Variants in AK8 observed in about 807,000 individuals in gnomAD.
The protein encoded by AK8 is adenylate kinase 8, also known as ATP-AMP transphosphorylase 8.
AK8 carries 44 observed loss-of-function variants against 54.6 expected under a neutral mutation model. The observed-to-expected ratio is 0.81, with a 90% CI of 0.63 to 1.04. The LOEUF is 1.04. AK8 is among the 50% of genes least tolerant of loss of function. AK8 has a pLI of 0.00. For missense variants in AK8, 555 were observed against 613.6 expected, an observed-to-expected ratio of 0.90 and a Z score of 1.01; for synonymous variants, 239 against 245.6, an observed-to-expected ratio of 0.97 and a Z score of 0.25.
chr9:132,799,596 A>AAC lies in AK8; in HGVS notation c.980-6823_980-6822dup, dbSNP rs141099716. The stretch of plus-strand genomic sequence containing the variant: ...ACATGTGCTCATGCACTCAGCTACA[A>AAC]ACACACACACACACACACCACACAC... On this transcript the variant is annotated intron_variant, in intron 10 of 12. Coordinates refer to ENST00000298545, the MANE Select transcript of AK8 (RefSeq NM_152572.3). The surrounding 1 kb of genome is among the most constrained non-coding windows in gnomAD (Gnocchi z 5.0). Among the ~76,000 whole-genome samples, 158 of 149,982 alleles carry AAC rather than the reference A, an allele frequency of 1.1e-3. 1 individual carries two copies. The highest frequency in any genetic ancestry group is 6.9e-3 in the Middle Eastern group (2 of 288).
intron 11 of AK8, among the ~76,000 whole-genome samples, chr9:132,782,618 G>A (rs1839524742): frequency 6.6e-6 from 1 of 152,186 alleles, no homozygotes; most frequent in African/African-American, 2.4e-5. Flanking sequence ...GAATCCGGAA[G>A]GCGGAGGTTG....
intron 9 of AK8, among the ~76,000 whole-genome samples, chr9:132,818,792 G>A (rs1192521642): frequency 6.6e-6 from 1 of 151,616 alleles, no homozygotes; most frequent in Non-Finnish European, 1.5e-5. Flanking sequence ...AGGGTGCAAC[G>A]AGCTATGATT....
chr9:132,745,701 C>G (rs569820226), intron 11 of AK8, among the ~76,000 whole-genome samples: 1 of 152,184 alleles, frequency 6.6e-6, no homozygotes, highest in South Asian at 2.1e-4. Context: ...TTGTTCACAC[C>G]CTGTGTGCCC....
chr9:132,870,154 G>A (rs1384985027), intron 2 of AK8, among the ~76,000 whole-genome samples: 1 of 152,186 alleles, frequency 6.6e-6, no homozygotes, highest in Non-Finnish European at 1.5e-5. Context: ...CCCCTTCCAG[G>A]TTCCTGTAAG....
chr9:132,788,024 A>T (rs1004099834), intron 11 of AK8, among the ~76,000 whole-genome samples: 2 of 151,794 alleles, frequency 1.3e-5, no homozygotes, highest in African/African-American at 4.8e-5. Context: ...GAGGAATGGG[A>T]GTGACCAAAA....
At chr9:132,761,727 CCT>C (rs1838481101) in intron 11 of AK8, among the ~76,000 whole-genome samples, 1 of 151,918 alleles carries the variant, frequency 6.6e-6, no homozygotes. Context: ...TGTGTTTCAT[CCT>C]CTTTTTCATT....
At chr9:132,777,464 G>A (rs1382308755) in intron 11 of AK8, among the ~76,000 whole-genome samples, 1 of 152,170 alleles carries the variant, frequency 6.6e-6, no homozygotes, top group Non-Finnish European at 1.5e-5. Flanking sequence ...CCTTGCCCCT[G>A]CTGCCTCCCT....
chr9:132,758,741 G>A (rs1484964332), intron 11 of AK8, among the ~76,000 whole-genome samples: 1 of 151,986 alleles, frequency 6.6e-6, no homozygotes, highest in Non-Finnish European at 1.5e-5. Flanking sequence ...TTACAGGCAT[G>A]AGCCACCGCA....
chr9:132,837,663 T>C lies in AK8; in HGVS notation c.403-8937A>G, dbSNP rs1363078197. Among the ~76,000 whole-genome samples, 1 of 152,234 alleles carries C rather than the reference T, an allele frequency of 6.6e-6. No homozygotes were observed. Among genetic ancestry groups the C allele is most frequent in the Admixed American group, 6.5e-5 (1 of 15,286 alleles). ...CAGAGCATATCGGAACACGCGTTCC[T>C]GTCCACATGGAGTGCTACGGCTCTG... is the stretch of plus-strand genomic sequence containing the variant. On this transcript the variant is annotated intron_variant, in intron 5 of 12. Transcript: ENST00000298545. The surrounding 1 kb of genome is among the most constrained non-coding windows in gnomAD (Gnocchi z 4.3).
At chr9:132,753,914 T>C (rs534251523) in intron 11 of AK8, among the ~76,000 whole-genome samples, 1 of 152,320 alleles carries the variant, frequency 6.6e-6, no homozygotes, top group East Asian at 1.9e-4. Context: ...ATTGCCTCCA[T>C]TTTATGATGC....
chr9:132,786,887 T>C (rs965466238), intron 11 of AK8, among the ~76,000 whole-genome samples: 1 of 152,070 alleles, frequency 6.6e-6, no homozygotes, highest in Admixed American at 6.5e-5. Flanking sequence ...AATATGTCAT[T>C]AACATTTTCA....
At chr9:132,857,120 T>A (rs1751600125) in intron 4 of AK8, among the ~76,000 whole-genome samples, 1 of 152,148 alleles carries the variant, frequency 6.6e-6, no homozygotes, top group Admixed American at 6.5e-5. Flanking sequence ...GATAGCCCTG[T>A]ATCCTTATCC....
intron 10 of AK8, among the ~76,000 whole-genome samples, chr9:132,795,042 T>C (rs1588138687): frequency 2.0e-5 from 3 of 152,180 alleles, no homozygotes; most frequent in South Asian, 2.1e-4. Context: ...CGGTTGCCTG[T>C]GGTCAGGGCG....
chr9:132,792,624 G>C lies in AK8; in HGVS notation c.1121+10C>G. 1 of 1,550,094 alleles carries C rather than the reference G, an allele frequency of 6.5e-7. No homozygotes were observed. The highest frequency in any genetic ancestry group is 8.7e-7 in the Non-Finnish European group (1 of 1,146,942). ...TGGCCAGGGCTGCTGGCTTGGCTGGGGCAGCTCACCTGTTGGGATTGTAGC... is the reference window on the plus strand; with the variant it reads ...TGGCCAGGGCTGCTGGCTTGGCTGGCGCAGCTCACCTGTTGGGATTGTAGC... On this transcript the variant is annotated intron_variant, in intron 11 of 12. Coordinates refer to ENST00000298545, the MANE Select transcript of AK8 (RefSeq NM_152572.3).
At chr9:132,760,187 ATTT>A (rs747942992) in intron 11 of AK8, among the ~76,000 whole-genome samples, 1 of 144,926 alleles carries the variant, frequency 6.9e-6, no homozygotes. Flanking sequence ...TACGTTGTTA[ATTT>A]TTTTTTTTTT....
intron 11 of AK8, among the ~76,000 whole-genome samples, chr9:132,751,221 TA>T (rs1212566602): frequency 1.3e-5 from 2 of 151,412 alleles, no homozygotes; most frequent in South Asian, 4.2e-4. Flanking sequence ...CCATGTCTAC[TA>T]AAAATACAAA....
In AK8 at chr9:132,759,015, C is replaced by T. The variant is rs143355233; in HGVS notation, c.1122-31481G>A. Among the ~76,000 whole-genome samples, 211 of 151,518 alleles carry T rather than the reference C, an allele frequency of 1.4e-3. 2 individuals are homozygous for T. The highest frequency in any genetic ancestry group is 4.7e-3 in the African/African-American group (193 of 41,330). ...GAGTTCAAGACCAGGCTTGGCAAAA[C>T]GGCAAAACCCTGTCTCTACAAAAAA... On this transcript the variant is annotated intron_variant, in intron 11 of 12. Coordinates refer to ENST00000298545, the MANE Select transcript of AK8 (RefSeq NM_152572.3).
chr9:132,818,426 TA>T (rs1465532400), intron 9 of AK8, among the ~76,000 whole-genome samples: 1 of 152,132 alleles, frequency 6.6e-6, no homozygotes, highest in Non-Finnish European at 1.5e-5. Flanking sequence ...ATGTCAACTG[TA>T]AAGAAGTAAG....
At chr9:132,745,155 G>A (rs1837582748) in intron 11 of AK8, among the ~76,000 whole-genome samples, 2 of 152,200 alleles carry the variant, frequency 1.3e-5, no homozygotes, top group Admixed American at 1.3e-4. Context: ...ATTAATGAGC[G>A]AGATACGCTT....
Sources: gnomAD v4.1 joint callset for allele counts (sites outside exome capture counted in the v4.1 genomes callset) on GRCh38, gnomAD v4.1.1 for gene constraint, Gnocchi (gnomAD v3.1) non-coding constraint, MANE v1.5 for transcripts, NCBI Gene and HGNC (gene_info 2026-07-23, HGNC 2026-07-21) for gene names.